NADK2: variants seen among roughly 807,000 people sequenced by gnomAD.
The protein encoded by NADK2 is NAD kinase 2, mitochondrial, also known as NAD kinase domain-containing protein 1, mitochondrial.
In NADK2, 35 loss-of-function variants were observed where a neutral mutation model predicts 62.1. The observed-to-expected ratio is 0.56, with a 90% confidence interval of 0.43 to 0.75. The LOEUF (loss-of-function observed/expected upper bound fraction) is 0.75, where lower values mean the gene tolerates loss of function less well. NADK2 is among the 30% of genes least tolerant of loss of function. NADK2 has a pLI of 0.00. For synonymous variants in NADK2, 205 were observed against 207.9 expected (o/e 0.99, Z 0.12); for missense variants, 439 against 561.3 (o/e 0.78, Z 2.20).
At chr5:36,202,167 A>G (rs1046953168) in intron 8 of NADK2, among the ~76,000 whole-genome samples, 7 of 151,968 alleles carry the variant, frequency 4.6e-5, no homozygotes, top group African/African-American at 1.4e-4. Flanking sequence ...AAACATGAGA[A>G]TTTTTTTCTT....
In NADK2 at chr5:36,204,769, T is replaced by C. The variant is rs575417656; in HGVS notation, c.956+2401A>G. ...GCTAAGTTTTTTTATTGAATACTTA[T>C]GAATTAAATGATATGATATCTGAAA... is the stretch of plus-strand genomic sequence containing the variant. On this transcript the variant is annotated intron_variant, in intron 8 of 11. Coordinates refer to ENST00000381937, the MANE Select transcript of NADK2 (RefSeq NM_001085411.3). Among the ~76,000 whole-genome samples, 12 of 152,170 alleles carry C rather than the reference T, an allele frequency of 7.9e-5. No individual in the cohort carries two copies. In the East Asian group the frequency reaches 1.9e-3, roughly 25 times the overall value.
chr5:36,231,257 G>C (rs1052580471), intron 1 of NADK2, among the ~76,000 whole-genome samples: 1 of 152,134 alleles, frequency 6.6e-6, no homozygotes, highest in Admixed American at 6.5e-5. Flanking sequence ...AAAAGTTTTG[G>C]AGAACTAACA....
At chr5:36,213,618 C>CATATATACATATATATATAT (rs1554008783) in intron 6 of NADK2, among the ~76,000 whole-genome samples, 18 of 107,536 alleles carry the variant, frequency 1.7e-4, no homozygotes, top group African/African-American at 5.0e-4. Context: ...TATATGCATG[C>CATATATACATATATATATAT]ATATATATAT....
chr5:36,205,725 G>C lies in NADK2; in HGVS notation c.956+1445C>G, dbSNP rs1166980892. On this transcript the variant is annotated intron_variant, in intron 8 of 11. Transcript: ENST00000381937. The surrounding 1 kb of genome is among the most constrained non-coding windows in gnomAD (Gnocchi z 4.1). ...ATAAATTAGTGCAACCATTGTGGAA[G>C]ACAGTGTGGCGATTCCTCAAGGATC... Among the ~76,000 whole-genome samples, 1 of 152,140 alleles carries C rather than the reference G, an allele frequency of 6.6e-6. No homozygotes were observed. Among genetic ancestry groups the C allele is most frequent in the Non-Finnish European group, 1.5e-5 (1 of 68,036 alleles).
At chr5:36,211,697 G>A in intron 7 of NADK2, 147 bp downstream of exon 7, 1 of 665,716 alleles carries the variant, frequency 1.5e-6, no homozygotes, top group Non-Finnish European at 2.6e-6. Context: ...CATCTATGAA[G>A]GTTTTGGAAA....
chr5:36,200,453 T>G (rs1317804082), intron 9 of NADK2, among the ~76,000 whole-genome samples, 173 bp from the exon 10 acceptor site: 1 of 151,882 alleles, frequency 6.6e-6, no homozygotes, highest in Non-Finnish European at 1.5e-5. Context: ...ATATAGCATA[T>G]TATCATAAAT....
chr5:36,215,356 T>G (rs1046057610), intron 6 of NADK2, among the ~76,000 whole-genome samples: 1 of 152,246 alleles, frequency 6.6e-6, no homozygotes, highest in Non-Finnish European at 1.5e-5. Context: ...AGGTAATATT[T>G]TGATACATGC....
At position 36,197,353 on chromosome 5, in the gene NADK2, G is replaced by A. The variant is rs4869624; in HGVS notation, c.1190+188C>T. ...TTTAGCTTCTCTAAAATGGCACAAT[G>A]AGTGTAAAAGAAAATATGATTTTAG... On this transcript the variant is annotated intron_variant, in intron 11 of 11. Transcript: ENST00000381937. Among the ~76,000 whole-genome samples, 1,852 of 152,154 alleles carry A rather than the reference G, an allele frequency of 0.012. 156 individuals carry two copies. The East Asian group carries it at 0.21, about 18-fold the overall frequency.
chr5:36,225,235 A>G (rs770463654), intron 4 of NADK2, among the ~76,000 whole-genome samples: 2 of 152,168 alleles, frequency 1.3e-5, no homozygotes, highest in Non-Finnish European at 2.9e-5. Context: ...CATAAAAGAC[A>G]ATCCTACTCA....
In NADK2 at chr5:36,228,103, A is replaced by G. The variant is rs901341624; in HGVS notation, c.301-538T>C. ...CTCAGATTTATAAACTCTATTTGGAATTTACCTTACGAAATCTAAACAAAG... is the reference window on the plus strand; with the variant it reads ...CTCAGATTTATAAACTCTATTTGGAGTTTACCTTACGAAATCTAAACAAAG... On this transcript the variant is annotated intron_variant, in intron 1 of 11. Transcript: ENST00000381937. 1.1e-4 allele frequency among the ~76,000 whole-genome samples: 16 copies of G among 152,136 alleles called. 1 individual carries two copies. The highest frequency in any genetic ancestry group is 4.6e-4 in the Admixed American group (7 of 15,274).
chr5:36,238,405 G>A (rs79278278), intron 1 of NADK2, among the ~76,000 whole-genome samples: 4 of 152,290 alleles, frequency 2.6e-5, no homozygotes, highest in Non-Finnish European at 5.9e-5. Flanking sequence ...AAGGGTTGCC[G>A]AGTTGTGAGA....
At chr5:36,218,961 C>A (rs931160119) in intron 5 of NADK2, among the ~76,000 whole-genome samples, 6 of 152,162 alleles carry the variant, frequency 3.9e-5, no homozygotes, top group Non-Finnish European at 8.8e-5. Flanking sequence ...TTCCACTAAA[C>A]TGATAAGGAC....
chr5:36,230,488 C>T (rs1178400531), intron 1 of NADK2, among the ~76,000 whole-genome samples: 1 of 152,238 alleles, frequency 6.6e-6, no homozygotes, highest in Non-Finnish European at 1.5e-5. Flanking sequence ...CCCTTTGAAT[C>T]TCCTTACTAG....
chr5:36,216,163 T>G (rs1186982112), intron 6 of NADK2, among the ~76,000 whole-genome samples: 2 of 152,230 alleles, frequency 1.3e-5, no homozygotes, highest in Non-Finnish European at 2.9e-5. Context: ...CATTGTGGTT[T>G]TGATTTGCAT....
intron 3 of NADK2, 95 bp from the exon 4 acceptor site, chr5:36,225,718 A>C: frequency 9.7e-7 from 1 of 1,030,354 alleles, no homozygotes; most frequent in South Asian, 1.4e-5. Flanking sequence ...TAACAATCAT[A>C]CCCCACCCTG....
At chr5:36,236,721 G>C (rs1191048055) in intron 1 of NADK2, among the ~76,000 whole-genome samples, 1 of 152,040 alleles carries the variant, frequency 6.6e-6, no homozygotes, top group Non-Finnish European at 1.5e-5. Context: ...CCCTCAAAGA[G>C]TTTACAGTTT....
At chr5:36,206,493 T>C (rs1446828319) in intron 8 of NADK2, among the ~76,000 whole-genome samples, 1 of 151,250 alleles carries the variant, frequency 6.6e-6, no homozygotes, top group Non-Finnish European at 1.5e-5. Flanking sequence ...GACTGGGATA[T>C]ATAGAGGGGA....
intron 1 of NADK2, among the ~76,000 whole-genome samples, chr5:36,237,238 T>C (rs540543043): frequency 1.3e-5 from 2 of 152,318 alleles, no homozygotes; most frequent in East Asian, 1.9e-4. Context: ...ATGTGTTTAA[T>C]AGCAGAAGAT....
chr5:36,230,587 G>A (rs1406102298), intron 1 of NADK2, among the ~76,000 whole-genome samples: 1 of 152,206 alleles, frequency 6.6e-6, no homozygotes, highest in Admixed American at 6.5e-5. Context: ...TTTGTTGAAT[G>A]AACTCATGCA....
Sources: allele counts gnomAD v4.1 joint callset (sites outside exome capture counted in the v4.1 genomes callset), GRCh38; gene constraint gnomAD v4.1.1; non-coding constraint Gnocchi (gnomAD v3.1); transcripts MANE v1.5; gene names NCBI Gene and HGNC (gene_info 2026-07-23, HGNC 2026-07-21).